PAWR: variants seen among roughly 807,000 people sequenced by gnomAD.
PAWR encodes PRKC apoptosis WT1 regulator protein.
A neutral mutation model predicts 32.0 loss-of-function variants in PAWR; 23 were observed. That is an observed-to-expected ratio of 0.72 (90% CI 0.52 to 1.02). The LOEUF (loss-of-function observed/expected upper bound fraction) is 1.02, where lower values mean the gene tolerates loss of function less well. PAWR is among the 50% of genes least tolerant of loss of function. The probability of loss-of-function intolerance (pLI) is 0.00; values close to 1 mark genes in which losing one functional copy is unlikely to be tolerated. For synonymous variants in PAWR, 226 were observed against 187.1 expected (o/e 1.21, Z -1.70); for missense variants, 457 against 437.7 (o/e 1.04, Z -0.39).
At chr12:79,626,346 G>A (rs1377594650) in intron 2 of PAWR, among the ~76,000 whole-genome samples, 1 of 146,040 alleles carries the variant, frequency 6.8e-6, no homozygotes, top group Non-Finnish European at 1.5e-5. Flanking sequence ...TGCAAGCTCC[G>A]CCTCCCAGGT....
At chr12:79,607,912 G>A (rs113270526) in intron 4 of PAWR, among the ~76,000 whole-genome samples, 17,808 of 151,820 alleles carry the variant, frequency 0.12, 1,127 homozygotes, top group Middle Eastern at 0.16. Flanking sequence ...AACCGGGCAT[G>A]GGGGCGCATG....
rs144175774 is a variant in PAWR at position 79,677,895 on chromosome 12, G to A, written c.516+11834C>T. The stretch of plus-strand genomic sequence containing the variant: ...GGCAAAGTACAAACTCAGGGATAAC[G>A]TTAAGCTATAAACTTCTCCATGATT... On this transcript the variant is annotated intron_variant, in intron 2 of 6. Coordinates refer to ENST00000328827, the MANE Select transcript of PAWR (RefSeq NM_002583.4). Among the ~76,000 whole-genome samples, 25 of 152,218 alleles carry A rather than the reference G, an allele frequency of 1.6e-4. No individual in the cohort carries two copies. In the East Asian group the frequency reaches 4.6e-3, roughly 28 times the overall value.
intron 2 of PAWR, among the ~76,000 whole-genome samples, chr12:79,665,995 T>C (rs182864334): frequency 1.2e-3 from 190 of 152,310 alleles, no homozygotes; most frequent in Non-Finnish European, 2.1e-3. Flanking sequence ...ATCAGATAAC[T>C]TGAAAGCTTC....
At chr12:79,624,859 C>A (rs142336904) in intron 2 of PAWR, among the ~76,000 whole-genome samples, 2 of 152,058 alleles carry the variant, frequency 1.3e-5, no homozygotes, top group South Asian at 2.1e-4. Context: ...GTTTTTTACA[C>A]GCTCTAAGAA....
intron 2 of PAWR, among the ~76,000 whole-genome samples, chr12:79,623,611 C>G (rs151277590): frequency 6.8e-6 from 1 of 147,250 alleles, no homozygotes; most frequent in South Asian, 2.1e-4. Context: ...AAAAACAGTA[C>G]GTGCATGAAA....
chr12:79,590,985 A>G lies in PAWR; in HGVS notation c.*1622T>C, dbSNP rs1873537247. 1 of 152,256 alleles carries G rather than the reference A, an allele frequency of 6.6e-6. No individual in the cohort carries two copies. The highest frequency in any genetic ancestry group is 1.5e-5 in the Non-Finnish European group (1 of 68,042). The allele number at this position is 152,256 out of a possible 1,614,324, so 9.4% of individuals were successfully genotyped here. A position where few individuals can be genotyped will look rare whatever the true frequency, so the allele number is the denominator to read the frequency against. On this transcript the variant is annotated 3_prime_UTR_variant, in exon 7 of 7. Transcript: ENST00000328827. Reference sequence around the variant, plus strand: ...AATGCTGATAGATAAAATTATGTCAATTCCAGGGTGTTCAATGGAATAAAG... The same window carrying G: ...AATGCTGATAGATAAAATTATGTCAGTTCCAGGGTGTTCAATGGAATAAAG...
chr12:79,621,069 T>C lies in PAWR; in HGVS notation c.648+7A>G. ...ATAGTGACTTCCTGGTATTTTTAAA[T>C]ACTCACCTGTAGCAGATAGGAACTG... On this transcript the variant is annotated splice_region_variant and intron_variant, in intron 3 of 6. Coordinates refer to ENST00000328827, the MANE Select transcript of PAWR (RefSeq NM_002583.4). 1.3e-6 allele frequency: 2 copies of C among 1,584,610 alleles called. 1 individual carries two copies. Among genetic ancestry groups the C allele is most frequent in the Middle Eastern group, 3.4e-4 (2 of 5,938 alleles).
Position 79,646,391 on chromosome 12 carries a change from T to C in PAWR, c.517-25184A>G, listed in dbSNP as rs145876024. 3.8e-3 allele frequency among the ~76,000 whole-genome samples: 574 copies of C among 152,256 alleles called. 2 individuals carry two copies. Among genetic ancestry groups the C allele is most frequent in the African/African-American group, 0.01 (436 of 41,552 alleles). On this transcript the variant is annotated intron_variant, in intron 2 of 6. Transcript: ENST00000328827. ...ATGTCTGACTCTGAGACATCAGTAA[T>C]AGTCAAGAGTAGAGGTAAAGAACAA...
intron 4 of PAWR, among the ~76,000 whole-genome samples, chr12:79,612,555 T>C (rs1481036425): frequency 6.6e-6 from 1 of 152,126 alleles, no homozygotes; most frequent in Non-Finnish European, 1.5e-5. Context: ...GAATTTACTG[T>C]TGACTAGGTT....
intron 2 of PAWR, among the ~76,000 whole-genome samples, chr12:79,632,350 T>C (rs1477837625): frequency 2.2e-4 from 13 of 59,764 alleles, no homozygotes; most frequent in South Asian, 1.8e-3. Flanking sequence ...TATATATATA[T>C]ATATATATAT....
chr12:79,633,394 T>C (rs1875808590), intron 2 of PAWR, among the ~76,000 whole-genome samples: 1 of 152,100 alleles, frequency 6.6e-6, no homozygotes, highest in African/African-American at 2.4e-5. Flanking sequence ...ACACTCAACA[T>C]CATGTCATTA....
intron 2 of PAWR, among the ~76,000 whole-genome samples, chr12:79,665,101 G>A (rs1171896262): frequency 6.6e-6 from 1 of 152,118 alleles, no homozygotes; most frequent in East Asian, 1.9e-4. Flanking sequence ...TAATTTCTGA[G>A]ATATGTTTCC....
intron 3 of PAWR, among the ~76,000 whole-genome samples, chr12:79,616,023 C>G (rs1279789227): frequency 6.8e-6 from 1 of 147,932 alleles, no homozygotes; most frequent in Non-Finnish European, 1.5e-5. Context: ...CACTACTATA[C>G]TCCAGCCTGT....
At chr12:79,628,879 A>G (rs555462388) in intron 2 of PAWR, among the ~76,000 whole-genome samples, 1 of 152,236 alleles carries the variant, frequency 6.6e-6, no homozygotes, top group Admixed American at 6.5e-5. Flanking sequence ...GCAGGAAATA[A>G]AAGTATACCA....
chr12:79,654,942 G>A (rs1354497104), intron 2 of PAWR, among the ~76,000 whole-genome samples: 1 of 152,110 alleles, frequency 6.6e-6, no homozygotes, highest in Non-Finnish European at 1.5e-5. Flanking sequence ...TGGGTACTGG[G>A]GATTGCCAGC....
At chr12:79,644,849 C>T (rs780211676) in intron 2 of PAWR, among the ~76,000 whole-genome samples, 3 of 152,050 alleles carry the variant, frequency 2.0e-5, no homozygotes, top group Non-Finnish European at 4.4e-5. Context: ...AACTCAGACA[C>T]CTCAGACAAA....
rs576104655 is a variant in PAWR, at chr12:79,593,217, C to T, written c.937-524G>A. 9.2e-5 allele frequency among the ~76,000 whole-genome samples: 14 copies of T among 152,186 alleles called. No individual in the cohort carries two copies. The South Asian group carries it at 2.5e-3, about 27-fold the overall frequency. ...GGAGAGGTGACAAAACTGAGGCCTACGGAAAAGGGGATCTGGAGTATCTTG... is the reference window on the plus strand; with the variant it reads ...GGAGAGGTGACAAAACTGAGGCCTATGGAAAAGGGGATCTGGAGTATCTTG... On this transcript the variant is annotated intron_variant, in intron 6 of 6. Coordinates refer to ENST00000328827, the MANE Select transcript of PAWR (RefSeq NM_002583.4).
chr12:79,610,834 T>C (rs1243909844), intron 4 of PAWR, among the ~76,000 whole-genome samples: 1 of 148,472 alleles, frequency 6.7e-6, no homozygotes, highest in Admixed American at 6.7e-5. Context: ...CACTGATCCA[T>C]CTTTACTAAA....
intron 2 of PAWR, among the ~76,000 whole-genome samples, chr12:79,628,848 A>ATG (rs1197853007): frequency 6.6e-6 from 1 of 152,138 alleles, no homozygotes; most frequent in Non-Finnish European, 1.5e-5. Flanking sequence ...GAAAGGTAAA[A>ATG]TGTATGGCAA....
Sources: allele counts gnomAD v4.1 joint callset (sites outside exome capture counted in the v4.1 genomes callset), GRCh38; gene constraint gnomAD v4.1.1; transcripts MANE v1.5; gene names NCBI Gene and HGNC (gene_info 2026-07-23, HGNC 2026-07-21).